WNT7A: variants seen among roughly 807,000 people sequenced by gnomAD.
The protein encoded by WNT7A is Wnt family member 7A.
WNT7A carries 16 observed loss-of-function variants against 28.2 expected under a neutral mutation model. That is an observed-to-expected ratio of 0.57 (90% CI 0.38 to 0.86). The LOEUF is 0.86. Among genes scored for constraint, WNT7A ranks in the 40% least tolerant of loss-of-function variants. WNT7A has a pLI of 0.00. For missense variants in WNT7A, 411 were observed against 489.7 expected, an observed-to-expected ratio of 0.84 and a Z score of 1.52; for synonymous variants, 190 against 195.9, an observed-to-expected ratio of 0.97 and a Z score of 0.25.
chr3:13,818,987 C>T lies in WNT7A; in HGVS notation c.1007G>A (p.Cys336Tyr). 1.2e-6 allele frequency: 2 copies of T among 1,605,774 alleles called. No individual in the cohort carries two copies. The highest frequency in any genetic ancestry group is 1.7e-6 in the Non-Finnish European group (2 of 1,173,732). ...CTCCGTGCGCTCGCTGCACGTGTTG[C>T]ACTTGACATAGCAGCACCAGTGGAA... ...CKFHWCCYVK[C>Y]NTCSERTEMY... Residue 336 changes from cysteine to tyrosine, a missense_variant, in exon 4 of 4, where the codon TGC (cysteine) becomes TAC (tyrosine). Physicochemically the swap from Cys to Tyr is radical, Grantham distance 194. Coordinates refer to ENST00000285018, the MANE Select transcript of WNT7A (RefSeq NM_004625.4).
intron 3 of WNT7A, among the ~76,000 whole-genome samples, chr3:13,823,200 T>C (rs1355223061): frequency 1.3e-5 from 2 of 152,186 alleles, no homozygotes; most frequent in African/African-American, 4.8e-5. Flanking sequence ...CTCTGCACCC[T>C]ACTGCTTGAG....
At chr3:13,871,780 G>C (rs4685042) in intron 2 of WNT7A, among the ~76,000 whole-genome samples, 119,396 of 152,026 alleles carry the variant, frequency 0.79, 47,647 homozygotes, top group East Asian at 1. Context: ...TCATGCTTTT[G>C]CCAGCAGCCA....
chr3:13,862,916 G>T (rs930074013), intron 2 of WNT7A, among the ~76,000 whole-genome samples: 4 of 152,224 alleles, frequency 2.6e-5, no homozygotes, highest in African/African-American at 7.2e-5. Context: ...AAGGGGCAGT[G>T]AATGTAGCCC....
intron 2 of WNT7A, among the ~76,000 whole-genome samples, chr3:13,871,196 A>G (rs1216380469): frequency 6.6e-6 from 1 of 152,142 alleles, no homozygotes; most frequent in Non-Finnish European, 1.5e-5. Flanking sequence ...AAAGGCAGAC[A>G]ATGGGTCCTG....
intron 2 of WNT7A, among the ~76,000 whole-genome samples, chr3:13,861,940 T>C (rs1694837660): frequency 6.6e-6 from 1 of 152,160 alleles, no homozygotes; most frequent in Non-Finnish European, 1.5e-5. Flanking sequence ...CCAGGTAAAC[T>C]TTTCATCCAG....
At position 13,862,279 on chromosome 3, in the gene WNT7A, G is replaced by A. The variant is rs1029417032; in HGVS notation, c.299-7476C>T. 5.3e-5 allele frequency among the ~76,000 whole-genome samples: 8 copies of A among 152,220 alleles called. No homozygotes were observed. In the East Asian group the frequency reaches 5.8e-4, roughly 11 times the overall value. On this transcript the variant is annotated intron_variant, in intron 2 of 3. Coordinates refer to ENST00000285018, the MANE Select transcript of WNT7A (RefSeq NM_004625.4). ...CCCTCTGTGGTTCCAGCTCCATAAC[G>A]ATCCCAGCGGGTACAGAGGAAATAA...
chr3:13,849,081 T>A (rs1203851570), intron 3 of WNT7A, among the ~76,000 whole-genome samples: 1 of 152,144 alleles, frequency 6.6e-6, no homozygotes, highest in Non-Finnish European at 1.5e-5. Context: ...TTGCTGGGGA[T>A]TCGGAAGGGG....
intron 2 of WNT7A, among the ~76,000 whole-genome samples, chr3:13,855,790 T>C (rs1694719704): frequency 6.6e-6 from 1 of 152,094 alleles, no homozygotes; most frequent in African/African-American, 2.4e-5. Flanking sequence ...TTCACTCTCA[T>C]GTAGCCTGGG....
chr3:13,870,466 G>T (rs1226209854), intron 2 of WNT7A, among the ~76,000 whole-genome samples: 5 of 152,184 alleles, frequency 3.3e-5, no homozygotes, highest in Non-Finnish European at 7.3e-5. Flanking sequence ...TGCTGTTTAA[G>T]CTACCTGGTC....
In WNT7A at chr3:13,877,429, TTAAG is replaced by T. The variant is rs111951227; in HGVS notation, c.72-2260_72-2257del. Among the ~76,000 whole-genome samples, 1,319 of 152,326 alleles carry T rather than the reference TTAAG, an allele frequency of 8.7e-3. 28 individuals are homozygous for T. The highest frequency in any genetic ancestry group is 0.03 in the African/African-American group (1,252 of 41,572). On this transcript the variant is annotated intron_variant, in intron 1 of 3. Transcript: ENST00000285018. ...CTGAGGAAGAAGCAGCATGAGAAGA[TTAAG>T]TGGAGACGTTTTGGCATCATTTGTC... is the stretch of plus-strand genomic sequence containing the variant.
chr3:13,868,820 GAGAGAA>G (rs757869051), intron 2 of WNT7A, among the ~76,000 whole-genome samples: 10 of 30,246 alleles, frequency 3.3e-4, no homozygotes, highest in African/African-American at 7.2e-4. Flanking sequence ...AAGAGAGAGA[GAGAGAA>G]AGAGAGAAAG....
At chr3:13,862,384 T>C (rs1244452268) in intron 2 of WNT7A, among the ~76,000 whole-genome samples, 1 of 152,256 alleles carries the variant, frequency 6.6e-6, no homozygotes, top group Non-Finnish European at 1.5e-5. Flanking sequence ...CGGAATATTA[T>C]CTGGGTGTAT....
chr3:13,875,243 G>A, intron 1 of WNT7A, 70 bp from the exon 2 acceptor site: 2 of 1,551,322 alleles, frequency 1.3e-6, no homozygotes, highest in Non-Finnish European at 1.8e-6. Context: ...ACCCTTCGTA[G>A]GTGTCCAGCA....
chr3:13,841,211 T>C (rs1292023716), intron 3 of WNT7A, among the ~76,000 whole-genome samples: 1 of 152,230 alleles, frequency 6.6e-6, no homozygotes, highest in East Asian at 1.9e-4. Context: ...TGATTTTCCT[T>C]TTCCCTTATT....
At chr3:13,864,775 T>C (rs983949828) in intron 2 of WNT7A, among the ~76,000 whole-genome samples, 1 of 152,220 alleles carries the variant, frequency 6.6e-6, no homozygotes, top group Non-Finnish European at 1.5e-5. Flanking sequence ...ATACTTATAT[T>C]GTGGATATAT....
intron 3 of WNT7A, among the ~76,000 whole-genome samples, chr3:13,829,884 C>A (rs1251576664): frequency 6.6e-6 from 1 of 152,060 alleles, no homozygotes; most frequent in African/African-American, 2.4e-5. Context: ...GCTGTTGAAG[C>A]CCCAGCCCTT....
chr3:13,865,039 A>G (rs956322289), intron 2 of WNT7A, among the ~76,000 whole-genome samples: 1 of 152,128 alleles, frequency 6.6e-6, no homozygotes, highest in African/African-American at 2.4e-5. Flanking sequence ...TTCCAAGTTG[A>G]CCTATAAACC....
rs556324588 is a variant in WNT7A, at chr3:13,822,603, T to C, written c.571-3180A>G. Among the ~76,000 whole-genome samples the C allele has an allele frequency of 4.6e-5, 7 of 152,328 alleles. No homozygotes were observed. In the East Asian group the frequency reaches 1.4e-3, roughly 29 times the overall value. Reference sequence around the variant, plus strand: ...TGGCTAATGGGTACGGGTTTCTTTCTGAGGTGATGAAAATAATGTAAAATT... The same window carrying C: ...TGGCTAATGGGTACGGGTTTCTTTCCGAGGTGATGAAAATAATGTAAAATT... On this transcript the variant is annotated intron_variant, in intron 3 of 3. Coordinates refer to ENST00000285018, the MANE Select transcript of WNT7A (RefSeq NM_004625.4).
Position 13,828,673 on chromosome 3 carries a change from C to T in WNT7A, c.571-9250G>A, listed in dbSNP as rs936446931. Among the ~76,000 whole-genome samples, 5 of 152,266 alleles carry T rather than the reference C, an allele frequency of 3.3e-5. 1 individual carries two copies. Among genetic ancestry groups the T allele is most frequent in the African/African-American group, 2.4e-5 (1 of 41,556 alleles). ...GGCCAGGACCTCGAGGGCTGGAGCT[C>T]GAGACTCTGGGCTCGTTGAGTATCT... On this transcript the variant is annotated intron_variant, in intron 3 of 3. Transcript: ENST00000285018.
Sources: gnomAD v4.1 joint callset for allele counts (sites outside exome capture counted in the v4.1 genomes callset) on GRCh38, gnomAD v4.1.1 for gene constraint, MANE v1.5 for transcripts, NCBI Gene and HGNC (gene_info 2026-07-23, HGNC 2026-07-21) for gene names.